COBLL1: variants seen among roughly 807,000 people sequenced by gnomAD.
The protein encoded by COBLL1 is cordon-bleu protein-like 1.
Under a neutral mutation model 94.8 loss-of-function variants are expected in COBLL1, and 50 were observed. The ratio of observed to expected loss-of-function variants is 0.53; its 90% CI spans 0.42 to 0.67. The LOEUF is 0.67. Among genes scored for constraint, COBLL1 ranks in the 30% least tolerant of loss-of-function variants. The probability of loss-of-function intolerance (pLI) is 0.00; values close to 1 mark genes in which losing one functional copy is unlikely to be tolerated. For missense variants in COBLL1, 1,362 were observed against 1,348.7 expected (o/e 1.01, Z -0.15); for synonymous variants, 448 against 473.8 (o/e 0.95, Z 0.71).
At chr2:164,710,566 CTTTT>C (rs11307875) in intron 7 of COBLL1, among the ~76,000 whole-genome samples, 7 of 142,270 alleles carry the variant, frequency 4.9e-5, no homozygotes, top group Admixed American at 1.4e-4. Flanking sequence ...CAGCAGCATT[CTTTT>C]TTTTTTTTTT....
intron 5 of COBLL1, chr2:164,723,626 A>G (rs1685567052): frequency 6.6e-6 from 1 of 152,180 alleles, no homozygotes; most frequent in Non-Finnish European, 1.5e-5. Context: ...CAATAAACTG[A>G]AACATGTCAC....
At chr2:164,815,779 C>T (rs1684705617) in intron 2 of COBLL1, among the ~76,000 whole-genome samples, 1 of 152,122 alleles carries the variant, frequency 6.6e-6, no homozygotes, top group Non-Finnish European at 1.5e-5. Context: ...TTCATTCTAA[C>T]ACAGCCTCAA....
intron 3 of COBLL1, among the ~76,000 whole-genome samples, chr2:164,738,085 A>T (rs1686408628): frequency 6.6e-6 from 1 of 152,190 alleles, no homozygotes; most frequent in Non-Finnish European, 1.5e-5. Context: ...GACATCTCAC[A>T]TGTGCTCCAA....
At chr2:164,764,954 T>C (rs171392) in intron 2 of COBLL1, among the ~76,000 whole-genome samples, 36,258 of 152,058 alleles carry the variant, frequency 0.24, 5,092 homozygotes, top group African/African-American at 0.39. Flanking sequence ...TAACATTTGA[T>C]GAACAAGGGT....
intron 2 of COBLL1, among the ~76,000 whole-genome samples, chr2:164,828,674 A>C (rs1685552099): frequency 6.6e-6 from 1 of 152,210 alleles, no homozygotes; most frequent in African/African-American, 2.4e-5. Flanking sequence ...TCAGGCTCTC[A>C]AGCAACTGAG....
In COBLL1 at chr2:164,826,809, G is replaced by A. The variant is rs1396248126; in HGVS notation, c.41+14347C>T. Reference sequence around the variant, plus strand: ...TGTAAGGCAGCCGGCAGAGTTAAATGTAGAGTATTAGGCTTACTTAAAATG... The same window carrying A: ...TGTAAGGCAGCCGGCAGAGTTAAATATAGAGTATTAGGCTTACTTAAAATG... On this transcript the variant is annotated intron_variant, in intron 2 of 13. Coordinates refer to ENST00000652658, the MANE Select transcript of COBLL1 (RefSeq NM_001365672.2). 2.0e-5 allele frequency among the ~76,000 whole-genome samples: 3 copies of A among 152,082 alleles called. No homozygotes were observed. The East Asian group carries it at 5.8e-4, about 29-fold the overall frequency.
Position 164,841,322 on chromosome 2 carries a change from A to T in COBLL1, c.-50-76T>A. On this transcript the variant is annotated intron_variant, in intron 1 of 13. Transcript: ENST00000652658. This position sits in a 1 kb window ranked among gnomAD's most constrained non-coding sequence, Gnocchi z 5.5. ...GCCGGAGCGAAGCTGGCTGAGCGTC[A>T]AGAGCCCGCCCGAGCCGCTCCAGCC... The T allele has an allele frequency of 5.8e-6, 7 of 1,208,932 alleles. No individual in the cohort carries two copies. Among genetic ancestry groups the T allele is most frequent in the Non-Finnish European group, 7.2e-6 (7 of 973,272 alleles). 74.9% of individuals were successfully genotyped at this position (1,208,932 alleles called of 1,614,324 possible).
intron 7 of COBLL1, among the ~76,000 whole-genome samples, chr2:164,718,579 G>A (rs1388585220): frequency 4.6e-5 from 7 of 152,188 alleles, no homozygotes; most frequent in Admixed American, 3.3e-4. Context: ...CTCTGGGCAG[G>A]AGAACTTGGT....
At chr2:164,818,339 T>C (rs201575176) in intron 2 of COBLL1, among the ~76,000 whole-genome samples, 14 of 139,250 alleles carry the variant, frequency 1.0e-4, no homozygotes, top group African/African-American at 1.6e-4. Context: ...CATATATGTA[T>C]ATATACATAT....
At chr2:164,723,980 A>T (rs1392383871) in intron 5 of COBLL1, 1 of 152,106 alleles carries the variant, frequency 6.6e-6, no homozygotes, top group Non-Finnish European at 1.5e-5. Context: ...TTTAGTAGAG[A>T]CAGGGTTTCG....
chr2:164,664,699 C>T (rs1039242357), intron 2 of COBLL1, among the ~76,000 whole-genome samples: 3 of 152,008 alleles, frequency 2.0e-5, no homozygotes, highest in South Asian at 2.1e-4. Flanking sequence ...CTTCATAAGG[C>T]GTCTATTTAT....
intron 2 of COBLL1, among the ~76,000 whole-genome samples, chr2:164,800,728 G>T (rs1265345044): frequency 2.6e-5 from 4 of 152,120 alleles, no homozygotes; most frequent in Non-Finnish European, 5.9e-5. Flanking sequence ...TAGCTATAAA[G>T]AGGAACCACT....
chr2:164,781,387 T>G (rs567485036), intron 2 of COBLL1, among the ~76,000 whole-genome samples: 29 of 152,330 alleles, frequency 1.9e-4, no homozygotes, highest in African/African-American at 6.7e-4. Context: ...ACTAACAAGT[T>G]GGAGAAGCAT....
At position 164,743,854 on chromosome 2, in the gene COBLL1, T is replaced by C. The variant is rs1263025520; in HGVS notation, c.63A>G (p.Ala21=). The change falls in exon 3 of 14, where the codon GCA becomes GCG. Residue 21 remains alanine (A), a synonymous_variant. Transcript: ENST00000652658. ...ATTTGGTCTCAGCTGGAGGAAGTGG[T>C]GCCTTGGCTTTTGGTTTTCTCCTAA... The part of the protein sequence containing the change: ...APARRKPKAK[A]PLPPAETKYT... 1.3e-6 allele frequency: 2 copies of C among 1,548,758 alleles called. No individual in the cohort carries two copies. Among genetic ancestry groups the C allele is most frequent in the Admixed American group, 1.9e-5 (1 of 51,950 alleles).
At chr2:164,828,883 G>A (rs1024474131) in intron 2 of COBLL1, among the ~76,000 whole-genome samples, 42 of 152,166 alleles carry the variant, frequency 2.8e-4, no homozygotes, top group Non-Finnish European at 4.1e-4. Context: ...AATTGCATTT[G>A]TGGCTTATAG....
chr2:164,668,445 G>A (rs76707728), intron 1 of COBLL1, among the ~76,000 whole-genome samples: 93 of 152,292 alleles, frequency 6.1e-4, no homozygotes, highest in African/African-American at 2.1e-3. Context: ...AAGAGAGATG[G>A]GGGAATGGCT....
At position 164,688,990 on chromosome 2, in the gene COBLL1, T is replaced by G. The variant is rs1401647320; in HGVS notation, c.3301-2958A>C. Among the ~76,000 whole-genome samples, 5 of 152,126 alleles carry G rather than the reference T, an allele frequency of 3.3e-5. No individual in the cohort carries two copies. In the East Asian group the frequency reaches 9.6e-4, roughly 29 times the overall value. ...GTCAACACAGGCCAAGGGTAATGAA[T>G]TAATCTGTCTTACTCTTTGTAAATA... On this transcript the variant is annotated intron_variant, in intron 13 of 13. Transcript: ENST00000652658.
At chr2:164,709,136 C>G (rs1684755230) in intron 7 of COBLL1, among the ~76,000 whole-genome samples, 1 of 152,150 alleles carries the variant, frequency 6.6e-6, no homozygotes, top group African/African-American at 2.4e-5. Flanking sequence ...TTAAAATAAG[C>G]TAGCTTTTTG....
At chr2:164,833,183 A>G (rs966378395) in intron 2 of COBLL1, among the ~76,000 whole-genome samples, 2 of 151,658 alleles carry the variant, frequency 1.3e-5, no homozygotes, top group Non-Finnish European at 2.9e-5. Flanking sequence ...GCTGGACAAC[A>G]TCTCTCCAAA....
Sources: gnomAD v4.1 joint callset for allele counts (sites outside exome capture counted in the v4.1 genomes callset) on GRCh38, gnomAD v4.1.1 for gene constraint, Gnocchi (gnomAD v3.1) non-coding constraint, MANE v1.5 for transcripts, NCBI Gene and HGNC (gene_info 2026-07-23, HGNC 2026-07-21) for gene names.